Variants in TMEM117 observed in about 807,000 individuals in gnomAD.
The protein encoded by TMEM117 is transmembrane protein 117.
TMEM117 carries 27 observed loss-of-function variants against 52.4 expected under a neutral mutation model. The observed-to-expected ratio is 0.51, with a 90% CI of 0.38 to 0.71. The LOEUF is 0.71. Ranked by LOEUF, TMEM117 falls within the 30% of genes least tolerant of loss-of-function variation. The probability of loss-of-function intolerance (pLI) is 0.00; values close to 1 mark genes in which losing one functional copy is unlikely to be tolerated. For missense variants in TMEM117, 556 were observed against 630.5 expected (o/e 0.88, Z 1.26); for synonymous variants, 215 against 206.3 (o/e 1.04, Z -0.36).
chr12:43,969,918 C>T (rs1351958040), intron 3 of TMEM117, among the ~76,000 whole-genome samples: 1 of 152,204 alleles, frequency 6.6e-6, no homozygotes, highest in Non-Finnish European at 1.5e-5. Context: ...CTAGGTATAG[C>T]AGTATCTCCT....
At chr12:43,805,637 T>C in the TMEM117 span, 4 of 535,630 alleles carry the variant, frequency 7.5e-6, no homozygotes, top group Non-Finnish European at 1.3e-5. Context: ...TTGGGGAGTA[T>C]CTAGGAAAAA....
At chr12:44,350,543 GTTC>G (rs1212541177) in intron 6 of TMEM117, among the ~76,000 whole-genome samples, 1 of 151,602 alleles carries the variant, frequency 6.6e-6, no homozygotes, top group Non-Finnish European at 1.5e-5. Context: ...TCTGGCAACC[GTTC>G]TTCTACTCTC....
At chr12:43,819,302 G>A in the TMEM117 span, among the ~76,000 whole-genome samples, 1 of 152,198 alleles carries the variant, frequency 6.6e-6, no homozygotes, top group Non-Finnish European at 1.5e-5. Flanking sequence ...TCTATTTATT[G>A]TAGATCTTTC....
At chr12:44,227,076 G>T (rs2138441166) in intron 5 of TMEM117, among the ~76,000 whole-genome samples, 1 of 152,124 alleles carries the variant, frequency 6.6e-6, no homozygotes, top group East Asian at 1.9e-4. Context: ...CATGCCTTTG[G>T]CTCAAGACAT....
intron 6 of TMEM117, among the ~76,000 whole-genome samples, chr12:44,322,373 A>T (rs559271509): frequency 1.3e-5 from 2 of 152,290 alleles, no homozygotes; most frequent in East Asian, 3.9e-4. Flanking sequence ...ATTCCCAGAG[A>T]TCTAGAGTGT....
At chr12:43,829,804 T>G in the TMEM117 span, among the ~76,000 whole-genome samples, 5 of 152,110 alleles carry the variant, frequency 3.3e-5, no homozygotes, top group Non-Finnish European at 7.4e-5. Flanking sequence ...TAAAAGGAAC[T>G]GTAGGCCGGG....
chr12:44,373,075 A>T (rs1420393620), intron 6 of TMEM117, among the ~76,000 whole-genome samples: 1 of 152,236 alleles, frequency 6.6e-6, no homozygotes, highest in Non-Finnish European at 1.5e-5. Context: ...ACAGCCTAGG[A>T]TTATAATAGA....
intron 3 of TMEM117, among the ~76,000 whole-genome samples, chr12:44,120,163 C>T (rs1948209870): frequency 6.6e-6 from 1 of 151,920 alleles, no homozygotes; most frequent in Non-Finnish European, 1.5e-5. Flanking sequence ...GAGGAAATGA[C>T]AGAAGAAAGG....
intron 3 of TMEM117, among the ~76,000 whole-genome samples, chr12:43,965,041 C>G (rs1945462469): frequency 6.6e-6 from 1 of 152,100 alleles, no homozygotes. Context: ...AAAATAGAGG[C>G]TCCAACTGTG....
At chr12:43,830,826 G>A in the TMEM117 span, among the ~76,000 whole-genome samples, 18 of 152,172 alleles carry the variant, frequency 1.2e-4, no homozygotes, top group South Asian at 8.3e-4. Flanking sequence ...TGCTAAAAGT[G>A]TAACATTCAT....
At chr12:44,171,738 A>G (rs1949049722) in intron 4 of TMEM117, among the ~76,000 whole-genome samples, 2 of 152,178 alleles carry the variant, frequency 1.3e-5, no homozygotes, top group Admixed American at 1.3e-4. Flanking sequence ...GCTATTTTCT[A>G]TGGCAGAAAC....
At chr12:44,165,531 A>G (rs1948954463) in intron 4 of TMEM117, among the ~76,000 whole-genome samples, 1 of 152,214 alleles carries the variant, frequency 6.6e-6, no homozygotes, top group South Asian at 2.1e-4. Context: ...AAATGATGGA[A>G]AAAGATACTC....
chr12:44,261,312 T>A (rs1401299847), intron 5 of TMEM117, among the ~76,000 whole-genome samples: 1 of 152,002 alleles, frequency 6.6e-6, no homozygotes, highest in African/African-American at 2.4e-5. Context: ...CAGTAAATAG[T>A]AAAGATTCAA....
intron 4 of TMEM117, among the ~76,000 whole-genome samples, chr12:44,204,806 G>A (rs1397801310): frequency 6.6e-6 from 1 of 152,142 alleles, no homozygotes; most frequent in Non-Finnish European, 1.5e-5. Context: ...ATGGGGAGGG[G>A]ACTCCCTATT....
intron 5 of TMEM117, among the ~76,000 whole-genome samples, chr12:44,288,446 C>T (rs1389558711): frequency 6.6e-6 from 1 of 151,992 alleles, no homozygotes; most frequent in Admixed American, 6.6e-5. Flanking sequence ...TGTAGCAATA[C>T]CCTTTGTCAA....
intron 3 of TMEM117, among the ~76,000 whole-genome samples, chr12:43,957,967 T>C (rs1023712541): frequency 3.9e-5 from 6 of 152,208 alleles, no homozygotes; most frequent in African/African-American, 1.4e-4. Flanking sequence ...CAGCACTGAT[T>C]GTCTCATTAA....
At chr12:44,226,046 G>A (rs990436551) in intron 5 of TMEM117, among the ~76,000 whole-genome samples, 1 of 152,186 alleles carries the variant, frequency 6.6e-6, no homozygotes, top group African/African-American at 2.4e-5. Flanking sequence ...GCCCCATCAT[G>A]CAGCTTATAG....
intron 5 of TMEM117, among the ~76,000 whole-genome samples, chr12:44,249,771 G>T (rs1375450382): frequency 6.6e-6 from 1 of 152,010 alleles, no homozygotes; most frequent in Non-Finnish European, 1.5e-5. Context: ...AATGGTGCTG[G>T]GTAAACTGGC....
intron 5 of TMEM117, among the ~76,000 whole-genome samples, chr12:44,275,001 A>C (rs1462501051): frequency 6.6e-6 from 1 of 152,236 alleles, no homozygotes; most frequent in East Asian, 1.9e-4. Flanking sequence ...GGAAACAATC[A>C]ACAAAGTAAA....
Sources: allele counts gnomAD v4.1 joint callset (sites outside exome capture counted in the v4.1 genomes callset), GRCh38; gene constraint gnomAD v4.1.1; transcripts MANE v1.5; gene names NCBI Gene and HGNC (gene_info 2026-07-23, HGNC 2026-07-21).